Variants in CAPN2 observed in about 807,000 individuals in gnomAD.
CAPN2 encodes calpain-2 catalytic subunit.
CAPN2 carries 92 observed loss-of-function variants against 102.3 expected under a neutral mutation model. The observed-to-expected ratio is 0.90, with a 90% CI of 0.76 to 1.07. The LOEUF is 1.07. CAPN2 is among the 50% of genes least tolerant of loss of function. The pLI, the probability that CAPN2 is intolerant of heterozygous loss-of-function variation, is 0.00. For synonymous variants in CAPN2, 340 were observed against 355.4 expected (o/e 0.96, Z 0.49); for missense variants, 800 against 909.4 (o/e 0.88, Z 1.55).
upstream of CAPN2, among the ~76,000 whole-genome samples, chr1:223,711,432 A>T (rs572169259): frequency 1.3e-5 from 2 of 152,312 alleles, no homozygotes; most frequent in African/African-American, 4.8e-5. Context: ...ATAGTAACCC[A>T]ACTAATCCTG....
chr1:223,766,401 G>C lies in CAPN2; in HGVS notation c.1725G>C (p.Glu575Asp). Residue 575 changes from glutamate (E) to aspartate (D), a missense_variant, in exon 16 of 21, where the codon GAG becomes GAC. Glu to Asp is a conservative substitution (Grantham distance 45). Coordinates refer to ENST00000295006, the MANE Select transcript of CAPN2 (RefSeq NM_001748.5). ...TCAAGTCAGATGGCTTCAGCATCGA[G>C]ACATGCAAAATTATGGTTGACATGC... ...QDIKSDGFSI[E>D]TCKIMVDMLD... 7 of 1,613,936 alleles carry C rather than the reference G, an allele frequency of 4.3e-6. No homozygotes were observed. Among genetic ancestry groups the C allele is most frequent in the Non-Finnish European group, 5.9e-6 (7 of 1,179,808 alleles).
intron 20 of CAPN2, among the ~76,000 whole-genome samples, chr1:223,774,575 G>A (rs1661564285): frequency 6.6e-6 from 1 of 152,208 alleles, no homozygotes; most frequent in African/African-American, 2.4e-5. Context: ...AATTTCTGTT[G>A]TGTGAATTTC....
intron 2 of CAPN2, among the ~76,000 whole-genome samples, chr1:223,743,279 C>T (rs369594331): frequency 6.4e-4 from 97 of 152,302 alleles, no homozygotes; most frequent in African/African-American, 2.2e-3. Context: ...TCTGCCCCTC[C>T]GCACAGAAAC....
chr1:223,752,538 C>T (rs1414864077), intron 8 of CAPN2, among the ~76,000 whole-genome samples: 4 of 152,202 alleles, frequency 2.6e-5, no homozygotes, highest in Admixed American at 6.5e-5. Flanking sequence ...ATTTGATGGG[C>T]ACGGCTCCCA....
chr1:223,744,491 A>ATT (rs1660702302), intron 3 of CAPN2, among the ~76,000 whole-genome samples: 2 of 152,184 alleles, frequency 1.3e-5, no homozygotes, highest in African/African-American at 2.4e-5. Context: ...TTTAAAAAAA[A>ATT]AAACTGTATT....
intron 13 of CAPN2, 78 bp from the exon 14 acceptor site, chr1:223,762,108 C>A: frequency 1.6e-6 from 2 of 1,258,168 alleles, no homozygotes; most frequent in Non-Finnish European, 2.3e-6. Context: ...TGGGAGGTGG[C>A]TGCCATGGAA....
chr1:223,744,316 G>A (rs2102796443), intron 3 of CAPN2, 98 bp downstream of exon 3: 1 of 786,496 alleles, frequency 1.3e-6, no homozygotes, highest in East Asian at 2.4e-5. Flanking sequence ...GGTGTTTGCA[G>A]ACTCCCAAGA....
intron 2 of CAPN2, among the ~76,000 whole-genome samples, chr1:223,720,315 C>CTTTTTTTTTTTT (rs35138708): frequency 5.6e-5 from 6 of 107,468 alleles, no homozygotes; most frequent in African/African-American, 1.9e-4. Context: ...CTCTTTCTCT[C>CTTTTTTTTTTTT]TTTTTTTTTT....
rs1272070858 is a variant in CAPN2, at chr1:223,756,364, G to A, written c.1305+715G>A. 6.6e-6 allele frequency among the ~76,000 whole-genome samples: 1 copy of A among 152,198 alleles called. No individual in the cohort carries two copies. Among genetic ancestry groups the A allele is most frequent in the Non-Finnish European group, 1.5e-5 (1 of 68,032 alleles). On this transcript the variant is annotated intron_variant, in intron 10 of 20. Transcript: ENST00000295006. The surrounding 1 kb of genome is among the most constrained non-coding windows in gnomAD (Gnocchi z 4.1). Reference sequence around the variant, plus strand: ...ATGCGAGGAGAGGGATGAAAGGAAGGCTTTAGGGCACTGACTGGGGATGCA... The same window carrying A: ...ATGCGAGGAGAGGGATGAAAGGAAGACTTTAGGGCACTGACTGGGGATGCA...
At chr1:223,737,171 C>T (rs1660475484) in intron 2 of CAPN2, among the ~76,000 whole-genome samples, 1 of 152,230 alleles carries the variant, frequency 6.6e-6, no homozygotes, top group Non-Finnish European at 1.5e-5. Flanking sequence ...GCTCGTGGGG[C>T]ACCCAGGTGG....
Position 223,762,227 on chromosome 1 carries a change from A to T in CAPN2, c.1608A>T (p.Arg536Ser), listed in dbSNP as rs767493711. ...ATGACATTGATGATGGATTCAGGAG[A>T]CTGTTTGCCCAGTTGGCAGGAGAGG... ...SEDDIDDGFR[R>S]LFAQLAGEDA... The change falls in exon 14 of 21, where the codon AGA becomes AGT. Residue 536 changes from arginine (R) to serine (S), a missense_variant. Physicochemically the swap from Arg to Ser is moderately radical, Grantham distance 110. Coordinates refer to ENST00000295006, the MANE Select transcript of CAPN2 (RefSeq NM_001748.5). 1 of 1,613,896 alleles carries T rather than the reference A, an allele frequency of 6.2e-7. No individual in the cohort carries two copies. Among genetic ancestry groups the T allele is most frequent in the Non-Finnish European group, 8.5e-7 (1 of 1,179,860 alleles).
intron 2 of CAPN2, among the ~76,000 whole-genome samples, chr1:223,720,285 C>T (rs1468380129): frequency 1.3e-5 from 2 of 149,738 alleles, no homozygotes; most frequent in African/African-American, 4.9e-5. Context: ...TAGAGCACTA[C>T]AAGATCATCC....
In CAPN2 at chr1:223,774,881, A is replaced by G; in HGVS notation, c.*24A>G. On this transcript the variant is annotated 3_prime_UTR_variant, in exon 21 of 21. Coordinates refer to ENST00000295006, the MANE Select transcript of CAPN2 (RefSeq NM_001748.5). ...GAAGTTATAACTAATCTGCCTGAAG[A>G]CTTCTCATGATGGAAAATCAGCCAA... 6.2e-7 allele frequency: 1 copy of G among 1,606,042 alleles called. No individual in the cohort carries two copies. The highest frequency in any genetic ancestry group is 1.7e-5 in the Admixed American group (1 of 59,922).
chr1:223,751,570 G>A (rs1430680500), intron 7 of CAPN2, among the ~76,000 whole-genome samples: 2 of 150,550 alleles, frequency 1.3e-5, no homozygotes, highest in African/African-American at 4.9e-5. Context: ...ACAGGGCCAG[G>A]TCCTTCTGCT....
chr1:223,751,029 G>A, intron 7 of CAPN2, 54 bp downstream of exon 7: 1 of 1,382,298 alleles, frequency 7.2e-7, no homozygotes, highest in Non-Finnish European at 1.0e-6. Flanking sequence ...GTGCTGGGAG[G>A]CTCTGGGAAG....
At chr1:223,766,805 CA>C (rs1311901981) in intron 16 of CAPN2, among the ~76,000 whole-genome samples, 8 of 152,004 alleles carry the variant, frequency 5.3e-5, no homozygotes, top group Non-Finnish European at 1.2e-4. Flanking sequence ...ACTAAAAATA[CA>C]AAAATTAGCT....
At position 223,747,021 on chromosome 1, in the gene CAPN2, A is replaced by T; in HGVS notation, c.585A>T (p.Leu195=). Residue 195 remains leucine, a synonymous_variant, in exon 5 of 21, where the codon CTA becomes CTT. Transcript: ENST00000295006. ...YAKINGCYEA[L]SGGATTEGFE... ...GGATCAACGGATGCTATGAAGCGCT[A>T]TCAGGGGGTGCCACCACTGAGGGCT... The T allele has an allele frequency of 6.2e-7, 1 of 1,613,914 alleles. No individual in the cohort carries two copies. Among genetic ancestry groups the T allele is most frequent in the Non-Finnish European group, 8.5e-7 (1 of 1,179,856 alleles).
At chr1:223,718,614 A>G (rs1365680987) in intron 2 of CAPN2, among the ~76,000 whole-genome samples, 2 of 152,344 alleles carry the variant, frequency 1.3e-5, no homozygotes, top group East Asian at 3.9e-4. Flanking sequence ...ATGTGGGCCT[A>G]TAATTACTAG....
At chr1:223,738,258 A>G (rs1217424041) in intron 2 of CAPN2, among the ~76,000 whole-genome samples, 1 of 152,092 alleles carries the variant, frequency 6.6e-6, no homozygotes, top group Non-Finnish European at 1.5e-5. Flanking sequence ...CCCAGGTTCA[A>G]AGTGATTCTC....
Sources: allele counts gnomAD v4.1 joint callset (sites outside exome capture counted in the v4.1 genomes callset), GRCh38; gene constraint gnomAD v4.1.1; non-coding constraint Gnocchi (gnomAD v3.1); transcripts MANE v1.5; gene names NCBI Gene and HGNC (gene_info 2026-07-23, HGNC 2026-07-21).